Variants in DUSP22 observed in about 807,000 individuals in gnomAD.
DUSP22 encodes dual specificity protein phosphatase 22.
Under a neutral mutation model 24.5 loss-of-function variants are expected in DUSP22, and 24 were observed. The observed-to-expected ratio is 0.98, with a 90% CI of 0.71 to 1.38. The LOEUF is 1.38. Ranked by LOEUF, DUSP22 falls within the 40% of genes most tolerant of loss-of-function variation. DUSP22 has a pLI of 0.00. For missense variants in DUSP22, 330 were observed against 269.2 expected (o/e 1.23, Z -1.58); for synonymous variants, 160 against 106.4 (o/e 1.50, Z -3.10).
intron 4 of DUSP22, among the ~76,000 whole-genome samples, chr6:337,684 G>A (rs1310661811): frequency 6.6e-6 from 1 of 152,294 alleles, no homozygotes; most frequent in Non-Finnish European, 1.5e-5. Flanking sequence ...ATGGATATAA[G>A]GCTTAATGGC....
At chr6:319,328 T>C (rs188933702) in intron 3 of DUSP22, among the ~76,000 whole-genome samples, 1 of 152,306 alleles carries the variant, frequency 6.6e-6, no homozygotes, top group Non-Finnish European at 1.5e-5. Context: ...GGCTGCGCTG[T>C]GTTCATAGAT....
chr6:303,439 A>G (rs541450243), intron 1 of DUSP22, among the ~76,000 whole-genome samples: 1 of 152,422 alleles, frequency 6.6e-6, no homozygotes, highest in South Asian at 2.1e-4. Flanking sequence ...CCCTGCAATC[A>G]CTAGACATGA....
rs1760196142 is a variant in DUSP22, at chr6:351,177, C to T, written c.*2226C>T. On this transcript the variant is annotated 3_prime_UTR_variant, in exon 7 of 7. Coordinates refer to ENST00000419235, the MANE Select transcript of DUSP22 (RefSeq NM_001286555.3). ...CGCTCGTGATTGCTTCCTGTGAACG[C>T]CTCCCAAGGACGAGCCCAGTGTAGT... 8.9e-6 allele frequency: 4 copies of T among 447,406 alleles called. No homozygotes were observed. The South Asian group carries it at 1.0e-4, about 11-fold the overall frequency. The allele number at this position is 447,406 out of a possible 1,614,324, so 27.7% of individuals were successfully genotyped here.
At chr6:324,282 G>A (rs540647519) in intron 3 of DUSP22, among the ~76,000 whole-genome samples, 1 of 152,420 alleles carries the variant, frequency 6.6e-6, no homozygotes, top group African/African-American at 2.4e-5. Context: ...GCAGCGGCAG[G>A]CGTGGAGAGG....
intron 2 of DUSP22, among the ~76,000 whole-genome samples, chr6:305,943 C>T (rs1358851515): frequency 6.6e-6 from 1 of 152,308 alleles, no homozygotes; most frequent in Non-Finnish European, 1.5e-5. Context: ...TATTGTTGCT[C>T]TATAATGTCT....
chr6:350,226 C>A lies in DUSP22; in HGVS notation c.*1275C>A. Reference sequence around the variant, plus strand: ...ATATCATTGAGCTATTTAAAGTTGCCAGTTTGGGCTCCAGTAATGCTTTCT... The same window carrying A: ...ATATCATTGAGCTATTTAAAGTTGCAAGTTTGGGCTCCAGTAATGCTTTCT... On this transcript the variant is annotated 3_prime_UTR_variant, in exon 7 of 7. Coordinates refer to ENST00000419235, the MANE Select transcript of DUSP22 (RefSeq NM_001286555.3). The A allele has an allele frequency of 1.0e-6, 1 of 988,092 alleles. No individual in the cohort carries two copies. The highest frequency in any genetic ancestry group is 1.2e-6 in the Non-Finnish European group (1 of 831,790). The allele number at this position is 988,092 out of a possible 1,614,324, so 61.2% of individuals were successfully genotyped here.
intron 4 of DUSP22, chr6:336,957 G>A (rs1008968165): frequency 2.0e-5 from 3 of 152,398 alleles, no homozygotes; most frequent in Non-Finnish European, 2.9e-5. Flanking sequence ...ATCTCAAACC[G>A]AGATTCTGAC....
chr6:304,341 CGGGGCAGGG>C (rs1757722129), intron 1 of DUSP22, among the ~76,000 whole-genome samples: 1 of 152,300 alleles, frequency 6.6e-6, no homozygotes, highest in Non-Finnish European at 1.5e-5. Flanking sequence ...GGTGGGCAGG[CGGGGCAGGG>C]GACTTGGACC....
intron 4 of DUSP22, among the ~76,000 whole-genome samples, chr6:335,403 A>G (rs1231674113): frequency 6.6e-6 from 1 of 152,304 alleles, no homozygotes; most frequent in Non-Finnish European, 1.5e-5. Flanking sequence ...TGGGCTGTCC[A>G]CAAGAAGGGT....
intron 1 of DUSP22, 112 bp from the exon 2 acceptor site, chr6:304,516 C>A: frequency 6.7e-7 from 1 of 1,502,260 alleles, no homozygotes; most frequent in Non-Finnish European, 9.3e-7. Context: ...AGGTGCTGTA[C>A]TGGGGAAGCA....
At chr6:341,441 G>A (rs1759602573) in intron 4 of DUSP22, among the ~76,000 whole-genome samples, 1 of 152,308 alleles carries the variant, frequency 6.6e-6, no homozygotes, top group Non-Finnish European at 1.5e-5. Context: ...GACCAGAGTT[G>A]GGGCTTCTGT....
At chr6:296,921 C>T (rs897066878) in intron 1 of DUSP22, among the ~76,000 whole-genome samples, 1 of 152,418 alleles carries the variant, frequency 6.6e-6, no homozygotes, top group Non-Finnish European at 1.5e-5. Context: ...TTCCTTCCTC[C>T]CTGCTGTGTG....
intron 3 of DUSP22, among the ~76,000 whole-genome samples, chr6:314,461 C>T (rs1056427769): frequency 1.3e-5 from 2 of 152,308 alleles, no homozygotes; most frequent in African/African-American, 4.8e-5. Context: ...TGGGTCATTT[C>T]CAACAAACAT....
At chr6:312,168 T>G (rs1227260603) in intron 3 of DUSP22, among the ~76,000 whole-genome samples, 10 of 152,306 alleles carry the variant, frequency 6.6e-5, no homozygotes, top group Non-Finnish European at 1.2e-4. Flanking sequence ...CTGATCACAC[T>G]CCTGCTGCAT....
At chr6:333,104 A>G (rs1397914836) in intron 3 of DUSP22, among the ~76,000 whole-genome samples, 5 of 152,302 alleles carry the variant, frequency 3.3e-5, no homozygotes, top group African/African-American at 9.6e-5. Flanking sequence ...TTGAAGTCCG[A>G]GCTGTAATAC....
intron 4 of DUSP22, among the ~76,000 whole-genome samples, chr6:340,219 T>C (rs1303289165): frequency 6.6e-6 from 1 of 152,308 alleles, no homozygotes; most frequent in Non-Finnish European, 1.5e-5. Flanking sequence ...TGACAGTGCG[T>C]GAAATATCAA....
Position 349,029 on chromosome 6 carries a change from C to A in DUSP22, c.*78C>A. The A allele has an allele frequency of 6.5e-7, 1 of 1,528,692 alleles. No homozygotes were observed. The highest frequency in any genetic ancestry group is 8.8e-7 in the Non-Finnish European group (1 of 1,136,856). 94.7% of individuals were successfully genotyped at this position (1,528,692 alleles called of 1,614,324 possible). Reference sequence around the variant, plus strand: ...TGGGCAGGGGTGCGGTGGTGGTGGCCGATGAGGACAGGAAAGGGAGATAGC... The same window carrying A: ...TGGGCAGGGGTGCGGTGGTGGTGGCAGATGAGGACAGGAAAGGGAGATAGC... On this transcript the variant is annotated 3_prime_UTR_variant, in exon 7 of 7. Transcript: ENST00000419235.
Position 292,517 on chromosome 6 carries a change from G to C in DUSP22, c.-23G>C. 6.2e-7 allele frequency: 1 copy of C among 1,604,696 alleles called. No homozygotes were observed. The highest frequency in any genetic ancestry group is 8.5e-7 in the Non-Finnish European group (1 of 1,175,740). On this transcript the variant is annotated 5_prime_UTR_variant, in exon 1 of 7. Transcript: ENST00000419235. ...GCGCCTGCGACCACACGGCCGGGGC[G>C]CTAGCGTTCGCCTTCAGCCACCATG...
chr6:297,139 C>T (rs1206466582), intron 1 of DUSP22, among the ~76,000 whole-genome samples: 1 of 152,304 alleles, frequency 6.6e-6, no homozygotes, highest in Non-Finnish European at 1.5e-5. Context: ...GAAGAAGTCA[C>T]TTAAATGTTT....
Sources: gnomAD v4.1 joint callset for allele counts (sites outside exome capture counted in the v4.1 genomes callset) on GRCh38, gnomAD v4.1.1 for gene constraint, MANE v1.5 for transcripts, NCBI Gene and HGNC (gene_info 2026-07-23, HGNC 2026-07-21) for gene names.